The following ASTN1 variants were observed in gnomAD, a reference collection of about 807,000 sequenced individuals.
ASTN1 encodes the protein astrotactin-1.
In ASTN1, 41 loss-of-function variants were observed where a neutral mutation model predicts 140.7. That is an observed-to-expected ratio of 0.29 (90% confidence interval 0.23 to 0.38). The LOEUF (loss-of-function observed/expected upper bound fraction) is 0.38, where lower values mean the gene tolerates loss of function less well. ASTN1 is among the 10% of genes least tolerant of loss of function. The pLI is 1.00. For missense variants in ASTN1, 1,479 were observed against 1,678.8 expected, an observed-to-expected ratio of 0.88 and a Z score of 2.08; for synonymous variants, 640 against 652.2, an observed-to-expected ratio of 0.98 and a Z score of 0.29.
intron 8 of ASTN1, among the ~76,000 whole-genome samples, chr1:177,009,243 T>C (rs1675162642): frequency 6.6e-6 from 1 of 152,202 alleles, no homozygotes; most frequent in African/African-American, 2.4e-5. Context: ...ATTTTGGATC[T>C]TTTTGAATAA....
intron 2 of ASTN1, among the ~76,000 whole-genome samples, chr1:177,054,635 C>T (rs968665463): frequency 6.6e-6 from 1 of 152,196 alleles, no homozygotes; most frequent in African/African-American, 2.4e-5. Context: ...AAATTAGATA[C>T]ATCTGCTTCT....
chr1:176,893,027 G>T (rs766782088), intron 17 of ASTN1, among the ~76,000 whole-genome samples: 1 of 152,164 alleles, frequency 6.6e-6, no homozygotes, highest in Admixed American at 6.5e-5. Flanking sequence ...AGGGGCTGGG[G>T]TAGGGCCAAG....
chr1:176,949,470 G>GC (rs1672100374), intron 11 of ASTN1, 119 bp from the exon 12 acceptor site: 1 of 1,126,246 alleles, frequency 8.9e-7, no homozygotes, highest in African/African-American at 1.6e-5. Context: ...ATTAACATTC[G>GC]CAAGTAATCC....
intron 1 of ASTN1, among the ~76,000 whole-genome samples, chr1:177,117,025 T>A (rs1449782454): frequency 1.3e-5 from 2 of 152,062 alleles, no homozygotes; most frequent in Non-Finnish European, 2.9e-5. Flanking sequence ...ACCTGCCAAT[T>A]TTCTCTTAAA....
chr1:176,935,625 A>G (rs1671408724), intron 15 of ASTN1, among the ~76,000 whole-genome samples: 1 of 152,040 alleles, frequency 6.6e-6, no homozygotes, highest in Non-Finnish European at 1.5e-5. Flanking sequence ...GTCCTCTACC[A>G]TTTATCTTCC....
At chr1:177,002,092 T>C (rs1674754983) in intron 8 of ASTN1, among the ~76,000 whole-genome samples, 1 of 152,144 alleles carries the variant, frequency 6.6e-6, no homozygotes, top group Non-Finnish European at 1.5e-5. Flanking sequence ...CCCTCTGACA[T>C]CCAAGAGTCT....
chr1:177,036,104 G>A (rs1676707668), intron 2 of ASTN1, among the ~76,000 whole-genome samples: 1 of 136,816 alleles, frequency 7.3e-6, no homozygotes, highest in Non-Finnish European at 1.5e-5. Context: ...GGAGTGGAGT[G>A]CAATGGCACG....
chr1:176,911,708 T>C (rs537217044), intron 16 of ASTN1, among the ~76,000 whole-genome samples: 1 of 152,144 alleles, frequency 6.6e-6, no homozygotes, highest in Non-Finnish European at 1.5e-5. Context: ...CTGAACTACC[T>C]CCTGGAAGAC....
Position 176,861,832 on chromosome 1 carries a change from A to G in ASTN1, c.*2452T>C. ...AGACAAAGATAAAGAAGGTAGAGGAACTTGGGAGACTGAGGGAAAGATAGG... is the reference window on the plus strand; with the variant it reads ...AGACAAAGATAAAGAAGGTAGAGGAGCTTGGGAGACTGAGGGAAAGATAGG... On this transcript the variant is annotated 3_prime_UTR_variant, in exon 23 of 23. Coordinates refer to ENST00000361833, the MANE Select transcript of ASTN1 (RefSeq NM_004319.3). 2 of 985,358 alleles carry G rather than the reference A, an allele frequency of 2.0e-6. No homozygotes were observed. Among genetic ancestry groups the G allele is most frequent in the Non-Finnish European group, 2.4e-6 (2 of 829,928 alleles). The allele number at this position is 985,358 out of a possible 1,614,324, so 61.0% of individuals were successfully genotyped here. A position where few individuals can be genotyped will look rare whatever the true frequency, so the allele number is the denominator to read the frequency against.
At chr1:176,922,175 C>T (rs1445429205) in intron 16 of ASTN1, among the ~76,000 whole-genome samples, 1 of 152,064 alleles carries the variant, frequency 6.6e-6, no homozygotes, top group African/African-American at 2.4e-5. Context: ...AACAAAAACA[C>T]AAAACTACTA....
chr1:177,096,411 C>T (rs57996349), intron 1 of ASTN1, among the ~76,000 whole-genome samples: 11,538 of 152,048 alleles, frequency 0.076, 540 homozygotes, highest in African/African-American at 0.13. Context: ...ATGTTGAAAC[C>T]CAATCATTAA....
intron 1 of ASTN1, among the ~76,000 whole-genome samples, chr1:177,157,496 G>A (rs572245770): frequency 6.6e-6 from 1 of 152,082 alleles, no homozygotes; most frequent in African/African-American, 2.4e-5. Flanking sequence ...TGTATTTTTT[G>A]TAGAGATGGG....
downstream of ASTN1, chr1:176,857,556 C>A: frequency 1.9e-6 from 1 of 514,556 alleles, no homozygotes; most frequent in Admixed American, 3.8e-5. Context: ...GAGATGCCAT[C>A]TGAGGCAGGG....
intron 16 of ASTN1, among the ~76,000 whole-genome samples, chr1:176,895,730 T>C (rs111230430): frequency 0.019 from 2,962 of 152,330 alleles, 76 homozygotes; most frequent in African/African-American, 0.068. Context: ...TTGTTCTTTA[T>C]ACAAGAAAGC....
intron 7 of ASTN1, among the ~76,000 whole-genome samples, chr1:177,016,191 A>G (rs1365293316): frequency 6.6e-6 from 1 of 151,946 alleles, no homozygotes; most frequent in Non-Finnish European, 1.5e-5. Context: ...TTAGCCATTC[A>G]TTTCAAGATT....
intron 8 of ASTN1, among the ~76,000 whole-genome samples, chr1:176,994,090 A>C (rs866189691): frequency 2.1e-4 from 32 of 151,676 alleles, no homozygotes; most frequent in African/African-American, 6.8e-4. Context: ...AGTACTTGAA[A>C]GTTTTCACCC....
At chr1:177,075,226 A>G (rs1678829656) in intron 1 of ASTN1, among the ~76,000 whole-genome samples, 1 of 152,046 alleles carries the variant, frequency 6.6e-6, no homozygotes, top group South Asian at 2.1e-4. Context: ...GGCATGTGCC[A>G]CCACGTCTGG....
chr1:176,861,714 A>G lies in ASTN1; in HGVS notation c.*2570T>C, dbSNP rs1667968937. 1.0e-6 allele frequency: 1 copy of G among 985,320 alleles called. No homozygotes were observed. The highest frequency in any genetic ancestry group is 4.7e-5 in the South Asian group (1 of 21,274). 61.0% of individuals were successfully genotyped at this position (985,320 alleles called of 1,614,324 possible). On this transcript the variant is annotated 3_prime_UTR_variant, in exon 23 of 23. Coordinates refer to ENST00000361833, the MANE Select transcript of ASTN1 (RefSeq NM_004319.3). ...TGTGTGTGTGTACATACATACACAC[A>G]TTCAGTGGGGAGAACTCAACGAGAA...
intron 8 of ASTN1, among the ~76,000 whole-genome samples, chr1:176,968,053 C>T (rs1269695549): frequency 1.3e-5 from 2 of 152,170 alleles, no homozygotes; most frequent in Non-Finnish European, 2.9e-5. Flanking sequence ...GTTAGCCTGC[C>T]TATTTCAAAT....
Sources: allele counts gnomAD v4.1 joint callset (sites outside exome capture counted in the v4.1 genomes callset), GRCh38; gene constraint gnomAD v4.1.1; transcripts MANE v1.5; gene names NCBI Gene and HGNC (gene_info 2026-07-23, HGNC 2026-07-21).